The following STK32B variants were observed in gnomAD, a reference collection of about 807,000 sequenced individuals.
The protein encoded by STK32B is serine/threonine kinase 32B.
A neutral mutation model predicts 52.6 loss-of-function variants in STK32B; 43 were observed. The ratio of observed to expected loss-of-function variants is 0.82; its 90% CI spans 0.64 to 1.05. The LOEUF (loss-of-function observed/expected upper bound fraction) is 1.05. Ranked by LOEUF, STK32B falls within the 50% of genes least tolerant of loss-of-function variation. The pLI, the probability that STK32B is intolerant of heterozygous loss-of-function variation, is 0.00. For synonymous variants in STK32B, 238 were observed against 204.3 expected (o/e 1.17, Z -1.41); for missense variants, 621 against 534.6 (o/e 1.16, Z -1.59).
At chr4:5,465,686 G>A (rs1717374989) in intron 9 of STK32B, among the ~76,000 whole-genome samples, 1 of 152,106 alleles carries the variant, frequency 6.6e-6, no homozygotes, top group South Asian at 2.1e-4. Flanking sequence ...AGGAAACTGA[G>A]GCAGAGAGAG....
At chr4:5,044,637 G>A in the STK32B span, among the ~76,000 whole-genome samples, 2 of 152,242 alleles carry the variant, frequency 1.3e-5, no homozygotes, top group Middle Eastern at 3.4e-3. Context: ...TGGGCATGCC[G>A]GCTCATGCCT....
intron 4 of STK32B, among the ~76,000 whole-genome samples, chr4:5,347,958 A>G (rs1733578442): frequency 6.6e-6 from 1 of 152,212 alleles, no homozygotes; most frequent in Non-Finnish European, 1.5e-5. Context: ...TTATAGCAGC[A>G]TGATAATGGA....
In STK32B at chr4:5,261,370, C is replaced by G. The variant is rs544836044; in HGVS notation, c.261-69850C>G. Among the ~76,000 whole-genome samples, 6 of 152,246 alleles carry G rather than the reference C, an allele frequency of 3.9e-5. No homozygotes were observed. The South Asian group carries it at 1.2e-3, about 32-fold the overall frequency. ...AGGAGAGACGAAGGAGGCAGCAATA[C>G]CTGTTAGGAAGCTATTGTGTCAGTC... On this transcript the variant is annotated intron_variant, in intron 3 of 11. Coordinates refer to ENST00000282908, the MANE Select transcript of STK32B (RefSeq NM_018401.3).
chr4:5,385,094 G>T (rs531851925), intron 4 of STK32B, among the ~76,000 whole-genome samples: 3 of 152,140 alleles, frequency 2.0e-5, no homozygotes, highest in Admixed American at 2.0e-4. Flanking sequence ...GACGGGTGAC[G>T]TGATGGCCCC....
intron 6 of STK32B, chr4:5,438,087 G>A: frequency 1.0e-6 from 1 of 985,544 alleles, no homozygotes; most frequent in African/African-American, 1.7e-5. Context: ...AAGGTTTGAT[G>A]GGGAACACCT....
rs895876386 is a variant in STK32B at position 5,076,195 on chromosome 4, C to T, written c.52+24280C>T. Among the ~76,000 whole-genome samples, 6 of 152,132 alleles carry T rather than the reference C, an allele frequency of 3.9e-5. 1 individual carries two copies. The highest frequency in any genetic ancestry group is 2.1e-4 in the South Asian group (1 of 4,814). On this transcript the variant is annotated intron_variant, in intron 1 of 11. Coordinates refer to ENST00000282908, the MANE Select transcript of STK32B (RefSeq NM_018401.3). ...AAGTTGGGGAAGCATACTGTGCTGACGAAGAGTCGATGGCATCCATGTGAA... is the reference window on the plus strand; with the variant it reads ...AAGTTGGGGAAGCATACTGTGCTGATGAAGAGTCGATGGCATCCATGTGAA...
chr4:5,043,954 C>T, the STK32B span, among the ~76,000 whole-genome samples: 1 of 152,252 alleles, frequency 6.6e-6, no homozygotes. Context: ...GCAGTCCAGC[C>T]ATTGCCTCCA....
chr4:5,361,664 G>T (rs1425049906), intron 4 of STK32B, among the ~76,000 whole-genome samples: 4 of 152,170 alleles, frequency 2.6e-5, no homozygotes, highest in African/African-American at 9.7e-5. Flanking sequence ...AATTTTTTTT[G>T]AAGAACGTCT....
chr4:5,096,840 G>C (rs983685679), intron 1 of STK32B, among the ~76,000 whole-genome samples: 1 of 152,246 alleles, frequency 6.6e-6, no homozygotes, highest in East Asian at 1.9e-4. Context: ...AACTAAGATC[G>C]ATTTCCATGG....
chr4:5,070,916 A>G (rs1454778589), intron 1 of STK32B, among the ~76,000 whole-genome samples: 1 of 152,172 alleles, frequency 6.6e-6, no homozygotes, highest in Non-Finnish European at 1.5e-5. Context: ...GTTCCTAGGC[A>G]TGAAAATGGA....
intron 2 of STK32B, among the ~76,000 whole-genome samples, chr4:5,145,074 T>G (rs896848235): frequency 2.0e-5 from 3 of 152,206 alleles, no homozygotes; most frequent in African/African-American, 7.2e-5. Flanking sequence ...ATGCCCTTGC[T>G]GTCAAGGGCA....
chr4:5,119,639 G>A (rs544717120), intron 1 of STK32B, among the ~76,000 whole-genome samples: 13 of 152,280 alleles, frequency 8.5e-5, no homozygotes, highest in South Asian at 2.1e-4. Flanking sequence ...TTTGTGTTAC[G>A]ACTGGTGCAA....
chr4:5,414,574 ATTCTT>A (rs1711999866), intron 5 of STK32B, among the ~76,000 whole-genome samples: 1 of 152,188 alleles, frequency 6.6e-6, no homozygotes, highest in Admixed American at 6.5e-5. Context: ...GTGGGTATAT[ATTCTT>A]AGGCACACTC....
At chr4:5,411,100 A>G (rs1711630911) in intron 5 of STK32B, among the ~76,000 whole-genome samples, 1 of 146,586 alleles carries the variant, frequency 6.8e-6, no homozygotes, top group African/African-American at 2.6e-5. Flanking sequence ...CAGTGGTGCT[A>G]TCTCAGCTCA....
intron 4 of STK32B, among the ~76,000 whole-genome samples, chr4:5,357,213 C>A (rs1045789772): frequency 6.6e-5 from 10 of 152,216 alleles, no homozygotes; most frequent in African/African-American, 2.4e-4. Flanking sequence ...TGAAGTAAAC[C>A]AAATGGCAGG....
intron 3 of STK32B, among the ~76,000 whole-genome samples, chr4:5,302,019 C>A (rs1729590385): frequency 1.3e-5 from 2 of 151,206 alleles, no homozygotes; most frequent in South Asian, 2.1e-4. Flanking sequence ...TTACTTCTAT[C>A]CTTTGTGTAA....
intron 3 of STK32B, among the ~76,000 whole-genome samples, chr4:5,258,787 T>G (rs1005913352): frequency 6.6e-6 from 1 of 152,176 alleles, no homozygotes; most frequent in Non-Finnish European, 1.5e-5. Flanking sequence ...CAATTCCCAG[T>G]GCAGCTGCAG....
chr4:5,128,278 A>G (rs1456754859), intron 1 of STK32B, among the ~76,000 whole-genome samples: 1 of 152,198 alleles, frequency 6.6e-6, no homozygotes, highest in Non-Finnish European at 1.5e-5. Context: ...CAACTGTCCT[A>G]GGAAACGTAT....
chr4:5,463,331 TG>T (rs1577547920), intron 9 of STK32B, among the ~76,000 whole-genome samples: 2 of 152,148 alleles, frequency 1.3e-5, no homozygotes, highest in Non-Finnish European at 2.9e-5. Context: ...TGGGATGCCC[TG>T]GGGGGCATCT....
Sources: allele counts gnomAD v4.1 joint callset (sites outside exome capture counted in the v4.1 genomes callset), GRCh38; gene constraint gnomAD v4.1.1; transcripts MANE v1.5; gene names NCBI Gene and HGNC (gene_info 2026-07-23, HGNC 2026-07-21).